The following VPS37A variants were observed in gnomAD, a reference collection of about 807,000 sequenced individuals.
VPS37A encodes VPS37A subunit of ESCRT-I.
VPS37A carries 30 observed loss-of-function variants against 49.8 expected under a neutral mutation model. The observed-to-expected ratio is 0.60, with a 90% CI of 0.45 to 0.82. The LOEUF (loss-of-function observed/expected upper bound fraction) is 0.82. VPS37A is among the 40% of genes least tolerant of loss of function. The pLI is 0.00. For missense variants in VPS37A, 593 were observed against 464.4 expected, an observed-to-expected ratio of 1.28 and a Z score of -2.55; for synonymous variants, 195 against 160.6, an observed-to-expected ratio of 1.21 and a Z score of -1.62.
intron 11 of VPS37A, among the ~76,000 whole-genome samples, chr8:17,288,788 C>T (rs967863182): frequency 3.9e-5 from 6 of 152,258 alleles, no homozygotes; most frequent in African/African-American, 7.2e-5. Flanking sequence ...CTTGAGGAAT[C>T]ACCACACTGG....
At chr8:17,316,697 C>G in the VPS37A span, among the ~76,000 whole-genome samples, 65 of 152,116 alleles carry the variant, frequency 4.3e-4, 3 homozygotes, top group South Asian at 0.013. Context: ...AATAGAAAAC[C>G]AATCCAGTGT....
chr8:17,275,224 C>A (rs938477275), intron 5 of VPS37A, among the ~76,000 whole-genome samples: 2 of 152,158 alleles, frequency 1.3e-5, no homozygotes, highest in Non-Finnish European at 2.9e-5. Context: ...CAAGGTAGAA[C>A]TAGTAGATCG....
chr8:17,320,289 A>AGCTG, the VPS37A span, among the ~76,000 whole-genome samples: 4 of 152,296 alleles, frequency 2.6e-5, no homozygotes, highest in Admixed American at 2.0e-4. Flanking sequence ...AATCTGATCA[A>AGCTG]AAGTCTTCAA....
At chr8:17,255,751 C>T (rs1812392302) in intron 1 of VPS37A, among the ~76,000 whole-genome samples, 1 of 152,052 alleles carries the variant, frequency 6.6e-6, no homozygotes. Flanking sequence ...TACTTTCTTT[C>T]TTTGTGGATC....
chr8:17,256,938 C>G (rs1303519737), intron 1 of VPS37A, among the ~76,000 whole-genome samples: 1 of 152,070 alleles, frequency 6.6e-6, no homozygotes, highest in African/African-American at 2.4e-5. Flanking sequence ...TTGATGTAAT[C>G]CCATTTATCT....
At position 17,268,118 on chromosome 8, in the gene VPS37A, T is replaced by C. The variant is rs1228048998; in HGVS notation, c.201-140T>C. The C allele has an allele frequency of 2.1e-5, 12 of 571,480 alleles. No individual in the cohort carries two copies. In the East Asian group the frequency reaches 3.4e-4, roughly 16 times the overall value. The allele number at this position is 571,480 out of a possible 1,614,324, so 35.4% of individuals were successfully genotyped here. On this transcript the variant is annotated intron_variant, in intron 2 of 11. Coordinates refer to ENST00000324849, the MANE Select transcript of VPS37A (RefSeq NM_152415.3). ...AACATATTTTCAGACAACACCATAA[T>C]AGAGCACTTATTACTAAATGACCCA...
downstream of VPS37A, chr8:17,305,809 A>C: frequency 6.2e-7 from 1 of 1,613,672 alleles, no homozygotes; most frequent in East Asian, 2.2e-5. Context: ...CCAAACTGGC[A>C]GGAATAAATG....
At chr8:17,311,662 G>A in the VPS37A span, 1 of 1,613,788 alleles carries the variant, frequency 6.2e-7, no homozygotes. Flanking sequence ...TCCGCAAAGA[G>A]TCACAAAGAA....
the VPS37A span, among the ~76,000 whole-genome samples, chr8:17,322,950 C>CTTTTT: frequency 7.5e-4 from 94 of 125,754 alleles, 1 homozygote; most frequent in South Asian, 1.5e-3. Flanking sequence ...ATTGAATTAT[C>CTTTTT]TTTTTTTTTT....
In VPS37A at chr8:17,284,489, C is replaced by T; in HGVS notation, c.986C>T (p.Ala329Val). 1.3e-6 allele frequency: 2 copies of T among 1,586,494 alleles called. No homozygotes were observed. The highest frequency in any genetic ancestry group is 1.7e-6 in the Non-Finnish European group (2 of 1,172,040). ...CTTTTTCAGAGCTGTAGTGCAAGTG[C>T]CCTTCAGGCAAGATTGAAAGTAGCT... Reference protein sequence around the residue: ...HELSESCSASALQARLKVAAH... With the variant: ...HELSESCSASVLQARLKVAAH... Residue 329 changes from alanine (A) to valine (V), a missense_variant, in exon 10 of 12, where the codon GCC becomes GTC. Transcript: ENST00000324849.
chr8:17,249,755 T>C (rs1401801156), intron 1 of VPS37A, among the ~76,000 whole-genome samples: 1 of 152,202 alleles, frequency 6.6e-6, no homozygotes, highest in Admixed American at 6.5e-5. Context: ...CAGCTGACCC[T>C]CCTGTAACAA....
chr8:17,277,099 T>C (rs73208569), intron 6 of VPS37A, among the ~76,000 whole-genome samples: 12,391 of 152,152 alleles, frequency 0.081, 680 homozygotes, highest in South Asian at 0.2. Context: ...GTTAGACTTT[T>C]TCTTTATTTT....
the VPS37A span, among the ~76,000 whole-genome samples, chr8:17,317,513 TGCCTG>T: frequency 0.013 from 2,034 of 152,284 alleles, 47 homozygotes; most frequent in African/African-American, 0.047. Context: ...CTTCCAGCTT[TGCCTG>T]GTACTCCTGA....
chr8:17,264,039 C>CA (rs1813212791), intron 1 of VPS37A, among the ~76,000 whole-genome samples: 1 of 152,192 alleles, frequency 6.6e-6, no homozygotes, highest in African/African-American at 2.4e-5. Context: ...TTATTGAACA[C>CA]TTATTTGCCT....
intron 4 of VPS37A, among the ~76,000 whole-genome samples, chr8:17,271,174 A>G (rs1813950257): frequency 6.6e-6 from 1 of 152,164 alleles, no homozygotes; most frequent in Non-Finnish European, 1.5e-5. Context: ...TCCTTTCTGT[A>G]AAATGTAGCC....
At chr8:17,300,161 G>T, downstream of VPS37A, 1 of 1,614,034 alleles carries the variant, frequency 6.2e-7, no homozygotes, top group Non-Finnish European at 8.5e-7. Flanking sequence ...TGCTTGCTGG[G>T]CTCACTTTGC....
chr8:17,273,408 C>G (rs1194567634), intron 4 of VPS37A, among the ~76,000 whole-genome samples: 1 of 152,168 alleles, frequency 6.6e-6, no homozygotes, highest in African/African-American at 2.4e-5. Flanking sequence ...CCTATTTTCC[C>G]CAGGCTGGAG....
At chr8:17,292,822 CCACTGTT>C (rs1816273972) in intron 11 of VPS37A, among the ~76,000 whole-genome samples, 1 of 152,222 alleles carries the variant, frequency 6.6e-6, no homozygotes, top group South Asian at 2.1e-4. Flanking sequence ...GCAGAGAGAT[CCACTGTT>C]AGTCTGATGG....
chr8:17,324,483 C>T, the VPS37A span, among the ~76,000 whole-genome samples: 1 of 152,242 alleles, frequency 6.6e-6, no homozygotes, highest in African/African-American at 2.4e-5. Context: ...TGCATCCATG[C>T]TCTTCCTCTA....
Sources: allele counts gnomAD v4.1 joint callset (sites outside exome capture counted in the v4.1 genomes callset), GRCh38; gene constraint gnomAD v4.1.1; transcripts MANE v1.5; gene names NCBI Gene and HGNC (gene_info 2026-07-23, HGNC 2026-07-21).